Variants in HSH2D observed in about 807,000 individuals in gnomAD.
HSH2D encodes hematopoietic SH2 domain containing, also known as hematopoietic SH2 domain-containing protein.
HSH2D carries 16 observed loss-of-function variants against 21.5 expected under a neutral mutation model. That is an observed-to-expected ratio of 0.74 (90% confidence interval 0.50 to 1.13). The LOEUF (loss-of-function observed/expected upper bound fraction) is 1.13, where lower values mean the gene tolerates loss of function less well. Among genes scored for constraint, HSH2D ranks in the 50% most tolerant of loss-of-function variants. The pLI is 0.00. For missense variants in HSH2D, 418 were observed against 441.4 expected, an observed-to-expected ratio of 0.95 and a Z score of 0.47; for synonymous variants, 172 against 184.7, an observed-to-expected ratio of 0.93 and a Z score of 0.56.
intron 1 of HSH2D, chr19:16,134,284 G>A (rs939310741): frequency 6.6e-6 from 1 of 152,178 alleles, no homozygotes; most frequent in African/African-American, 2.4e-5. Context: ...CTGTACCCAG[G>A]TGTTTATGGA....
intron 1 of HSH2D, among the ~76,000 whole-genome samples, chr19:16,138,498 C>T (rs1480295116): frequency 3.3e-5 from 5 of 152,154 alleles, no homozygotes; most frequent in Non-Finnish European, 7.4e-5. Context: ...CGCTCTGTTG[C>T]CCAGGCTGGA....
In HSH2D at chr19:16,158,039, C is replaced by T. The variant is rs1467760861; in HGVS notation, c.*245C>T. 8 of 467,898 alleles carry T rather than the reference C, an allele frequency of 1.7e-5. No individual in the cohort carries two copies. The highest frequency in any genetic ancestry group is 2.6e-5 in the Non-Finnish European group (7 of 265,374). The allele number at this position is 467,898 out of a possible 1,614,324, so 29.0% of individuals were successfully genotyped here. On this transcript the variant is annotated 3_prime_UTR_variant, in exon 6 of 6. Coordinates refer to ENST00000613986, the MANE Select transcript of HSH2D (RefSeq NM_001382417.1). ...ACCAGCTATACATCAGCCCCAGTGC[C>T]AGACCTTCTATTCATTATTTTACGC...
At chr19:16,144,320 G>T (rs946699081) in intron 1 of HSH2D, among the ~76,000 whole-genome samples, 2 of 151,948 alleles carry the variant, frequency 1.3e-5, no homozygotes, top group African/African-American at 4.8e-5. Flanking sequence ...AGGAACAGGG[G>T]GGAACGTTGG....
intron 3 of HSH2D, 36 bp from the exon 4 acceptor site, chr19:16,153,007 G>T: frequency 6.3e-7 from 1 of 1,594,652 alleles, no homozygotes; most frequent in Non-Finnish European, 8.5e-7. Context: ...GGATGAGGGG[G>T]AGTAGGATGT....
At chr19:16,134,959 T>TA (rs992110141) in intron 1 of HSH2D, among the ~76,000 whole-genome samples, 4,476 of 117,422 alleles carry the variant, frequency 0.038, 84 homozygotes, top group Non-Finnish European at 0.048. Flanking sequence ...ACCCCATCTC[T>TA]AAAAAAAAAA....
intron 1 of HSH2D, among the ~76,000 whole-genome samples, chr19:16,137,563 C>T (rs1437242119): frequency 5.5e-5 from 8 of 145,732 alleles, no homozygotes; most frequent in Non-Finnish European, 9.0e-5. Flanking sequence ...GGCAACAGAG[C>T]GAGACTCCGT....
chr19:16,141,700 G>T (rs992336550), upstream of HSH2D, among the ~76,000 whole-genome samples: 2 of 152,108 alleles, frequency 1.3e-5, no homozygotes, highest in African/African-American at 4.8e-5. Flanking sequence ...GAGGCGGGTG[G>T]ATCACCTGAG....
Position 16,158,486 on chromosome 19 carries a change from A to G in HSH2D, c.*692A>G, listed in dbSNP as rs1164203188. 1 of 152,062 alleles carries G rather than the reference A, an allele frequency of 6.6e-6. No individual in the cohort carries two copies. Among genetic ancestry groups the G allele is most frequent in the Non-Finnish European group, 1.5e-5 (1 of 68,040 alleles). The allele number at this position is 152,062 out of a possible 1,614,324, so 9.4% of individuals were successfully genotyped here. On this transcript the variant is annotated 3_prime_UTR_variant, in exon 6 of 6. Coordinates refer to ENST00000613986, the MANE Select transcript of HSH2D (RefSeq NM_001382417.1). ...GAGGCAGAGGTTGCAGTGAGCCGAGATCGCATCACTGCAGTCCAGCCTGGA... is the reference window on the plus strand; with the variant it reads ...GAGGCAGAGGTTGCAGTGAGCCGAGGTCGCATCACTGCAGTCCAGCCTGGA...
upstream of HSH2D, among the ~76,000 whole-genome samples, chr19:16,138,916 T>C (rs1308716487): frequency 6.6e-6 from 1 of 151,776 alleles, no homozygotes; most frequent in Non-Finnish European, 1.5e-5. Flanking sequence ...TGGAGTGCAG[T>C]GGCATGATCT....
chr19:16,146,602 T>C (rs2091072121), intron 1 of HSH2D, among the ~76,000 whole-genome samples: 2 of 151,988 alleles, frequency 1.3e-5, no homozygotes, highest in Admixed American at 1.3e-4. Flanking sequence ...TGCTTGAGCC[T>C]AGGAGGTTGA....
At chr19:16,152,939 G>A in intron 3 of HSH2D, 104 bp from the exon 4 acceptor site, 1 of 1,349,120 alleles carries the variant, frequency 7.4e-7, no homozygotes, top group Non-Finnish European at 1.0e-6. Flanking sequence ...ATGGGAACCT[G>A]GGGTAGTCTG....
chr19:16,153,959 C>G (rs1211353928), intron 4 of HSH2D, among the ~76,000 whole-genome samples: 1 of 150,058 alleles, frequency 6.7e-6, no homozygotes, highest in East Asian at 2.0e-4. Flanking sequence ...CCTTATAGGG[C>G]TTGGTGTGCC....
At chr19:16,135,922 G>A (rs2090960781) in intron 1 of HSH2D, among the ~76,000 whole-genome samples, 1 of 152,156 alleles carries the variant, frequency 6.6e-6, no homozygotes, top group Non-Finnish European at 1.5e-5. Flanking sequence ...ATGGCCTCTA[G>A]GGTGAGCACA....
In HSH2D at chr19:16,157,909, G is replaced by A. The variant is rs1029364310; in HGVS notation, c.*115G>A. The A allele has an allele frequency of 3.5e-5, 26 of 734,816 alleles. No homozygotes were observed. Among genetic ancestry groups the A allele is most frequent in the Non-Finnish European group, 4.6e-5 (21 of 459,308 alleles). 45.5% of individuals were successfully genotyped at this position (734,816 alleles called of 1,614,324 possible). On this transcript the variant is annotated 3_prime_UTR_variant, in exon 6 of 6. Transcript: ENST00000613986. This position sits in a 1 kb window ranked among gnomAD's most constrained non-coding sequence, Gnocchi z 4.4. Reference sequence around the variant, plus strand: ...GGCATCCGGGGGTCTTCGGGAACCCGGGAAATGGAATAAAGATGTTTTTGG... The same window carrying A: ...GGCATCCGGGGGTCTTCGGGAACCCAGGAAATGGAATAAAGATGTTTTTGG...
At chr19:16,153,858 C>T (rs2091200006) in intron 4 of HSH2D, among the ~76,000 whole-genome samples, 1 of 151,618 alleles carries the variant, frequency 6.6e-6, no homozygotes, top group South Asian at 2.1e-4. Flanking sequence ...GCCTAGCTCC[C>T]AATAAACTGC....
Position 16,158,109 on chromosome 19 carries a change from G to A in HSH2D, c.*315G>A. 3.7e-6 allele frequency: 1 copy of A among 272,786 alleles called. No homozygotes were observed. Among genetic ancestry groups the A allele is most frequent in the Admixed American group, 4.9e-5 (1 of 20,488 alleles). The allele number at this position is 272,786 out of a possible 1,614,324, so 16.9% of individuals were successfully genotyped here. A position where few individuals can be genotyped will look rare whatever the true frequency, so the allele number is the denominator to read the frequency against. ...GGAGGGTCATCCTCCATGTTTTGAA[G>A]AAGAGACTGAGGTTCAGAGAGGATA... On this transcript the variant is annotated 3_prime_UTR_variant, in exon 6 of 6. Coordinates refer to ENST00000613986, the MANE Select transcript of HSH2D (RefSeq NM_001382417.1).
chr19:16,143,802 G>A (rs367814104), intron 1 of HSH2D, 28 bp downstream of exon 1: 75 of 427,382 alleles, frequency 1.8e-4, no homozygotes, highest in Admixed American at 7.2e-4. Flanking sequence ...CTCAGCCCTC[G>A]AGGAGACAGA....
rs1192603263 is a variant in HSH2D at position 16,158,536 on chromosome 19, A to AAAAT, written c.*758_*761dup. The AAAAT allele has an allele frequency of 3.9e-5, 6 of 152,238 alleles. No individual in the cohort carries two copies. Among genetic ancestry groups the AAAAT allele is most frequent in the Admixed American group, 2.6e-4 (4 of 15,256 alleles). 9.4% of individuals were successfully genotyped at this position (152,238 alleles called of 1,614,324 possible). On this transcript the variant is annotated 3_prime_UTR_variant, in exon 6 of 6. Coordinates refer to ENST00000613986, the MANE Select transcript of HSH2D (RefSeq NM_001382417.1). ...ATGACAGAGTGAGACTCCATCTCAA[A>AAAAT]AAATAAATAAATAAATAAAAATGAA... is the stretch of plus-strand genomic sequence containing the variant.
upstream of HSH2D, chr19:16,143,665 G>C (rs547631520): frequency 1.2e-4 from 51 of 419,670 alleles, no homozygotes; most frequent in Non-Finnish European, 2.3e-4. Flanking sequence ...GAACTGCCTC[G>C]GGGCAGCCAG....
Sources: gnomAD v4.1 joint callset for allele counts (sites outside exome capture counted in the v4.1 genomes callset) on GRCh38, gnomAD v4.1.1 for gene constraint, Gnocchi (gnomAD v3.1) non-coding constraint, MANE v1.5 for transcripts, NCBI Gene and HGNC (gene_info 2026-07-23, HGNC 2026-07-21) for gene names.